DLC1: variants seen among roughly 807,000 people sequenced by gnomAD.
The protein encoded by DLC1 is rho GTPase-activating protein 7.
In DLC1, 54 loss-of-function variants were observed where a neutral mutation model predicts 140.3. The ratio of observed to expected loss-of-function variants is 0.38; its 90% CI spans 0.31 to 0.48. DLC1 has a LOEUF of 0.48. Among genes scored for constraint, DLC1 ranks in the 20% least tolerant of loss-of-function variants. DLC1 has a pLI of 0.96. For missense variants in DLC1, 2,536 were observed against 1,907.0 expected (o/e 1.33, Z -6.14); for synonymous variants, 986 against 728.1 (o/e 1.35, Z -5.70).
intron 9 of DLC1, 136 bp downstream of exon 9, chr8:13,099,211 G>A (rs1208422360): frequency 1.4e-6 from 2 of 1,452,170 alleles, no homozygotes; most frequent in East Asian, 2.5e-5. Context: ...GGTGCTTCCT[G>A]GTTTGACACC....
Position 13,217,609 on chromosome 8 carries a change from C to T in DLC1, c.1348+87660G>A, listed in dbSNP as rs922887670. Among the ~76,000 whole-genome samples the T allele has an allele frequency of 9.9e-5, 15 of 151,874 alleles. No individual in the cohort carries two copies. In the East Asian group the frequency reaches 1.2e-3, roughly 12 times the overall value. On this transcript the variant is annotated intron_variant, in intron 5 of 17. Coordinates refer to ENST00000276297, the MANE Select transcript of DLC1 (RefSeq NM_182643.3). ...CAGCACTTTGGGAGGCTGAGGAGGGCGGATTATGAGGTCAGGAGATCGAGA... is the reference window on the plus strand; with the variant it reads ...CAGCACTTTGGGAGGCTGAGGAGGGTGGATTATGAGGTCAGGAGATCGAGA...
intron 1 of DLC1, among the ~76,000 whole-genome samples, chr8:13,542,596 T>C (rs760340236): frequency 2.6e-5 from 4 of 152,174 alleles, no homozygotes; most frequent in Non-Finnish European, 5.9e-5. Context: ...AAATGTCACC[T>C]CAACACTATT....
At chr8:13,201,182 G>A (rs1336395337) in intron 5 of DLC1, among the ~76,000 whole-genome samples, 3 of 151,758 alleles carry the variant, frequency 2.0e-5, no homozygotes, top group Non-Finnish European at 4.4e-5. Flanking sequence ...GTTTGGGACT[G>A]GATCCAAGGT....
rs142531157 is a variant in DLC1 at position 13,546,447 on chromosome 8, C to G, written c.-125-46251G>C. On this transcript the variant is annotated intron_variant, in intron 1 of 1. Transcript: ENST00000631382. Reference sequence around the variant, plus strand: ...ATTGCATCCTTTATATTGAACTTAACAAAGGAAATTTTTCTTTAAAAAAGC... The same window carrying G: ...ATTGCATCCTTTATATTGAACTTAAGAAAGGAAATTTTTCTTTAAAAAAGC... Among the ~76,000 whole-genome samples the G allele has an allele frequency of 1.5e-4, 23 of 152,138 alleles. No individual in the cohort carries two copies. The East Asian group carries it at 3.9e-3, about 26-fold the overall frequency.
Position 13,100,073 on chromosome 8 carries a change from G to T in DLC1, c.2264C>A (p.Thr755Lys). Residue 755 changes from threonine to lysine, a missense_variant, in exon 9 of 18, where the codon ACG (threonine) becomes AAG (lysine). Transcript: ENST00000276297. ...CCGGGTCCTCGTAACAGGGCTGGGCGTGCTGACCGCGCTGCTGGTCTCCGA... is the reference window on the plus strand; with the variant it reads ...CCGGGTCCTCGTAACAGGGCTGGGCTTGCTGACCGCGCTGCTGGTCTCCGA... ...SQSETSSAVS[T>K]PSPVTRTRSL... 7 of 1,613,520 alleles carry T rather than the reference G, an allele frequency of 4.3e-6. No individual in the cohort carries two copies. The highest frequency in any genetic ancestry group is 5.9e-6 in the Non-Finnish European group (7 of 1,180,038).
At chr8:13,194,107 A>G (rs1826916979) in intron 5 of DLC1, among the ~76,000 whole-genome samples, 1 of 152,234 alleles carries the variant, frequency 6.6e-6, no homozygotes, top group Non-Finnish European at 1.5e-5. Context: ...TGCATTCGCT[A>G]CCCACAGAGA....
At chr8:13,174,469 T>A (rs1230961681) in intron 5 of DLC1, among the ~76,000 whole-genome samples, 1 of 152,214 alleles carries the variant, frequency 6.6e-6, no homozygotes, top group African/African-American at 2.4e-5. Context: ...TGAACTAAGG[T>A]ACATTCCTAC....
chr8:13,432,644 G>A, intron 2 of DLC1, among the ~76,000 whole-genome samples: 1 of 152,194 alleles, frequency 6.6e-6, no homozygotes, highest in East Asian at 1.9e-4. Context: ...GAGGAGTAGG[G>A]AACGTGTAAA....
At chr8:13,188,549 A>G (rs144821218) in intron 5 of DLC1, among the ~76,000 whole-genome samples, 137 of 149,006 alleles carry the variant, frequency 9.2e-4, no homozygotes, top group African/African-American at 3.0e-3. Context: ...GATGGTGAGT[A>G]CAAGGAAGTT....
intron 1 of DLC1, among the ~76,000 whole-genome samples, chr8:13,581,846 C>T (rs140891841): frequency 8.5e-5 from 13 of 152,196 alleles, no homozygotes; most frequent in African/African-American, 2.6e-4. Context: ...TTCATGTTTT[C>T]GGTTTTGTTT....
At chr8:13,565,317 A>G (rs1804388000) in intron 1 of DLC1, among the ~76,000 whole-genome samples, 2 of 152,210 alleles carry the variant, frequency 1.3e-5, no homozygotes, top group Admixed American at 1.3e-4. Context: ...TATTTTAAGT[A>G]TAGCTCCCTT....
chr8:13,357,550 G>T (rs1328731253), intron 4 of DLC1, among the ~76,000 whole-genome samples: 1 of 152,122 alleles, frequency 6.6e-6, no homozygotes, highest in Non-Finnish European at 1.5e-5. Flanking sequence ...CTGAACTCTG[G>T]CACATTCTTA....
intron 4 of DLC1, among the ~76,000 whole-genome samples, chr8:13,336,599 A>G (rs1371041070): frequency 1.3e-5 from 2 of 152,210 alleles, no homozygotes; most frequent in Non-Finnish European, 2.9e-5. Flanking sequence ...ATTGTGTGGT[A>G]GAAAAAACTG....
chr8:13,147,765 G>A (rs1289044580), intron 5 of DLC1, among the ~76,000 whole-genome samples: 5 of 152,148 alleles, frequency 3.3e-5, no homozygotes, highest in South Asian at 2.1e-4. Context: ...CTAGGCGGGC[G>A]GATCATGAGG....
intron 4 of DLC1, among the ~76,000 whole-genome samples, chr8:13,331,852 C>G (rs1006740639): frequency 1.2e-4 from 19 of 152,092 alleles, no homozygotes; most frequent in African/African-American, 4.3e-4. Flanking sequence ...TGAGTCAGTC[C>G]TCACTCCTTG....
chr8:13,271,894 C>T (rs925475378), intron 5 of DLC1, among the ~76,000 whole-genome samples: 2 of 152,144 alleles, frequency 1.3e-5, no homozygotes, highest in Non-Finnish European at 2.9e-5. Context: ...CCAGGCTGGT[C>T]TTGGGTTCCA....
intron 4 of DLC1, chr8:13,339,911 G>A (rs1410998123): frequency 6.6e-6 from 1 of 152,126 alleles, no homozygotes; most frequent in Non-Finnish European, 1.5e-5. Flanking sequence ...CTAAAAGCAG[G>A]GAAAATCCAG....
intron 5 of DLC1, among the ~76,000 whole-genome samples, chr8:13,290,120 T>C (rs879600961): frequency 6.6e-6 from 1 of 152,192 alleles, no homozygotes; most frequent in South Asian, 2.1e-4. Context: ...GTTATATTTA[T>C]AATAAAATGT....
At chr8:13,351,371 C>A (rs1163551983) in intron 4 of DLC1, among the ~76,000 whole-genome samples, 4 of 152,214 alleles carry the variant, frequency 2.6e-5, no homozygotes, top group Non-Finnish European at 4.4e-5. Flanking sequence ...GGACTTCACA[C>A]TGGTGATATG....
Sources: allele counts gnomAD v4.1 joint callset (sites outside exome capture counted in the v4.1 genomes callset), GRCh38; gene constraint gnomAD v4.1.1; transcripts MANE v1.5; gene names NCBI Gene and HGNC (gene_info 2026-07-23, HGNC 2026-07-21).